Variants in DOCK4 observed in about 807,000 individuals in gnomAD.
DOCK4 encodes the protein dedicator of cytokinesis 4.
DOCK4 carries 97 observed loss-of-function variants against 268.1 expected under a neutral mutation model. The observed-to-expected ratio is 0.36, with a 90% CI of 0.31 to 0.43. The LOEUF is 0.43. DOCK4 is among the 20% of genes least tolerant of loss of function. The pLI, the probability that DOCK4 is intolerant of heterozygous loss-of-function variation, is 1.00. For synonymous variants in DOCK4, 954 were observed against 887.2 expected, an observed-to-expected ratio of 1.08 and a Z score of -1.34; for missense variants, 2,145 against 2,455.7, an observed-to-expected ratio of 0.87 and a Z score of 2.67.
chr7:111,893,251 C>A (rs150772298), intron 16 of DOCK4, among the ~76,000 whole-genome samples: 1 of 152,092 alleles, frequency 6.6e-6, no homozygotes, highest in Non-Finnish European at 1.5e-5. Flanking sequence ...TGCTACCTGT[C>A]CTCTGGCATT....
In DOCK4 at chr7:111,728,293, C is replaced by A; in HGVS notation, c.5909G>T (p.Arg1970Leu). 6.7e-7 allele frequency: 1 copy of A among 1,497,650 alleles called. No homozygotes were observed. 92.8% of individuals were successfully genotyped at this position (1,497,650 alleles called of 1,614,324 possible). Reference sequence around the variant, plus strand: ...AGTGACTTATAACTGAGAGACCTTGCGGGGCAGGGGCCTGGGCCGCGGGCC... The same window carrying A: ...AGTGACTTATAACTGAGAGACCTTGAGGGGCAGGGGCCTGGGCCGCGGGCC... ...DPGPRPRPLP[R>L]KVSQL Residue 1970 changes from arginine to leucine, a missense_variant, in exon 53 of 53, where the codon CGC becomes CTC. Around this residue, in one of 2 missense-constraint regions of DOCK4, gnomAD observed 547 missense variants for 469.0 expected, o/e 1.17. Coordinates refer to ENST00000428084, the MANE Select transcript of DOCK4 (RefSeq NM_001363540.2).
rs545445222 is a variant in DOCK4, at chr7:112,050,875, A to G, written c.38-46744T>C. ...TCCAAATTCTGAAGCTAGAACATCT[A>G]TGTATTGTTTTTGTTTAGCTTAGTA... On this transcript the variant is annotated intron_variant, in intron 1 of 52. Transcript: ENST00000428084. 4.6e-5 allele frequency among the ~76,000 whole-genome samples: 7 copies of G among 152,254 alleles called. No individual in the cohort carries two copies. The South Asian group carries it at 1.2e-3, about 27-fold the overall frequency.
At chr7:112,191,884 T>C (rs1819982930) in intron 1 of DOCK4, among the ~76,000 whole-genome samples, 1 of 151,242 alleles carries the variant, frequency 6.6e-6, no homozygotes, top group Non-Finnish European at 1.5e-5. Context: ...CCCACTCTTA[T>C]TTTTCTGTAA....
intron 1 of DOCK4, among the ~76,000 whole-genome samples, chr7:112,065,967 G>T (rs1806888779): frequency 6.6e-6 from 1 of 152,186 alleles, no homozygotes; most frequent in East Asian, 1.9e-4. Flanking sequence ...CAAGTGTCCA[G>T]AGTGGAGCTT....
chr7:111,975,648 T>C (rs1177093692), intron 8 of DOCK4, among the ~76,000 whole-genome samples: 1 of 152,154 alleles, frequency 6.6e-6, no homozygotes, highest in Non-Finnish European at 1.5e-5. Context: ...ACCTCATAAA[T>C]TTTGTCCCTG....
At chr7:111,954,655 C>T (rs1028988983) in intron 8 of DOCK4, among the ~76,000 whole-genome samples, 7 of 152,130 alleles carry the variant, frequency 4.6e-5, no homozygotes, top group African/African-American at 9.7e-5. Flanking sequence ...GGAGACTGTC[C>T]GGGTACTACG....
At chr7:112,121,812 C>A (rs1373820937) in intron 1 of DOCK4, among the ~76,000 whole-genome samples, 1 of 152,142 alleles carries the variant, frequency 6.6e-6, no homozygotes, top group East Asian at 1.9e-4. Flanking sequence ...CCCACTCATG[C>A]GCTGAAACTG....
chr7:111,904,329 G>A (rs1208331689), intron 13 of DOCK4, among the ~76,000 whole-genome samples: 1 of 152,178 alleles, frequency 6.6e-6, no homozygotes, highest in African/African-American at 2.4e-5. Flanking sequence ...CTTGATTCTA[G>A]CAGGTGTAAG....
chr7:111,934,325 A>G (rs1794507061), intron 12 of DOCK4, among the ~76,000 whole-genome samples: 1 of 152,146 alleles, frequency 6.6e-6, no homozygotes. Context: ...GTACAATACT[A>G]TGTACCTCAT....
rs1794736231 is a variant in DOCK4 at position 111,727,691 on chromosome 7, A to G, written c.*583T>C. On this transcript the variant is annotated 3_prime_UTR_variant, in exon 53 of 53. Transcript: ENST00000428084. ...TTACGAATGTAGACAGCAGTCAAAC[A>G]GCAAAAGCAACCTTAAAGAAGTATT... 6.6e-6 allele frequency: 1 copy of G among 152,392 alleles called. No homozygotes were observed. The highest frequency in any genetic ancestry group is 1.5e-5 in the Non-Finnish European group (1 of 68,050). 9.4% of individuals were successfully genotyped at this position (152,392 alleles called of 1,614,324 possible). A position where few individuals can be genotyped will look rare whatever the true frequency, so the allele number is the denominator to read the frequency against.
chr7:112,128,502 G>C lies in DOCK4; in HGVS notation c.37+77600C>G, dbSNP rs574621244. Among the ~76,000 whole-genome samples, 29 of 152,338 alleles carry C rather than the reference G, an allele frequency of 1.9e-4. No individual in the cohort carries two copies. The South Asian group carries it at 2.7e-3, about 14-fold the overall frequency. On this transcript the variant is annotated intron_variant, in intron 1 of 52. Coordinates refer to ENST00000428084, the MANE Select transcript of DOCK4 (RefSeq NM_001363540.2). Reference sequence around the variant, plus strand: ...GGGGGAAAGGTGGGGAAAAGATTGAGAAATCGGATGGTTGCCGTGTCTGTG... The same window carrying C: ...GGGGGAAAGGTGGGGAAAAGATTGACAAATCGGATGGTTGCCGTGTCTGTG...
chr7:111,770,919 CA>C (rs1441110467), intron 36 of DOCK4, among the ~76,000 whole-genome samples: 1 of 152,168 alleles, frequency 6.6e-6, no homozygotes, highest in African/African-American at 2.4e-5. Context: ...TAAGAAGGGC[CA>C]GGGCCCCTAT....
chr7:111,986,689 G>C (rs1411737728), intron 6 of DOCK4, among the ~76,000 whole-genome samples: 1 of 152,136 alleles, frequency 6.6e-6, no homozygotes, highest in East Asian at 1.9e-4. Flanking sequence ...AAAGAACATC[G>C]TGTTGTAGGA....
intron 1 of DOCK4, among the ~76,000 whole-genome samples, chr7:112,021,719 G>T (rs894189165): frequency 2.0e-5 from 3 of 152,128 alleles, no homozygotes; most frequent in African/African-American, 7.2e-5. Flanking sequence ...TATTGCAAGG[G>T]GAGTTCTAGT....
At chr7:112,187,194 C>T (rs1173626730) in intron 1 of DOCK4, among the ~76,000 whole-genome samples, 6 of 152,110 alleles carry the variant, frequency 3.9e-5, no homozygotes. Flanking sequence ...CGTGTTACAA[C>T]CATAATTACT....
intron 39 of DOCK4, among the ~76,000 whole-genome samples, chr7:111,762,199 AACACATAG>A (rs1401028726): frequency 2.0e-5 from 3 of 152,192 alleles, no homozygotes; most frequent in African/African-American, 7.2e-5. Context: ...TTTCTAAAAA[AACACATAG>A]ATTTATTGAG....
intron 1 of DOCK4, among the ~76,000 whole-genome samples, chr7:112,064,718 A>G (rs1806763152): frequency 6.6e-6 from 1 of 152,184 alleles, no homozygotes; most frequent in Admixed American, 6.5e-5. Flanking sequence ...CCTAACCTCA[A>G]TACCTCAGAA....
chr7:112,004,816 T>A (rs55753148), intron 1 of DOCK4, among the ~76,000 whole-genome samples: 5,728 of 152,136 alleles, frequency 0.038, 183 homozygotes, highest in East Asian at 0.18. Flanking sequence ...GGGAGGGGGA[T>A]CACAATTAAT....
At chr7:112,065,272 G>C (rs1806814000) in intron 1 of DOCK4, among the ~76,000 whole-genome samples, 1 of 151,802 alleles carries the variant, frequency 6.6e-6, no homozygotes, top group South Asian at 2.1e-4. Context: ...GCATGGCTTG[G>C]AGTGCCATTT....
Sources: allele counts gnomAD v4.1 joint callset (sites outside exome capture counted in the v4.1 genomes callset), GRCh38; gene constraint gnomAD v4.1.1; regional missense constraint gnomAD v4.1.1; transcripts MANE v1.5; gene names NCBI Gene and HGNC (gene_info 2026-07-23, HGNC 2026-07-21).